AREL1: variants seen among roughly 807,000 people sequenced by gnomAD.
AREL1 encodes the protein apoptosis-resistant E3 ubiquitin protein ligase 1.
A neutral mutation model predicts 99.0 loss-of-function variants in AREL1; 62 were observed. That is an observed-to-expected ratio of 0.63 (90% confidence interval 0.51 to 0.77). The LOEUF (loss-of-function observed/expected upper bound fraction) is 0.77, where lower values mean the gene tolerates loss of function less well. Ranked by LOEUF, AREL1 falls within the 30% of genes least tolerant of loss-of-function variation. The probability of loss-of-function intolerance (pLI) is 0.00; values close to 1 mark genes in which losing one functional copy is unlikely to be tolerated. For missense variants in AREL1, 879 were observed against 1,027.6 expected (o/e 0.86, Z 1.98); for synonymous variants, 380 against 376.5 (o/e 1.01, Z -0.11).
intron 2 of AREL1, among the ~76,000 whole-genome samples, chr14:74,688,987 C>G (rs1003157324): frequency 1.3e-5 from 2 of 151,764 alleles, no homozygotes; most frequent in African/African-American, 4.8e-5. Flanking sequence ...CAGGTGCCCA[C>G]CACCACGCCA....
intron 2 of AREL1, among the ~76,000 whole-genome samples, chr14:74,686,677 G>A (rs964649593): frequency 2.0e-5 from 3 of 152,102 alleles, no homozygotes; most frequent in Admixed American, 6.5e-5. Flanking sequence ...TTCAGGGTGT[G>A]TTTTTACATC....
At position 74,676,297 on chromosome 14, in the gene AREL1, T is replaced by C; in HGVS notation, c.676A>G (p.Thr226Ala). The change falls in exon 7 of 20, where the codon ACT becomes GCT. Residue 226 changes from threonine to alanine, a missense_variant. Physicochemically the swap from Thr to Ala is moderately conservative, Grantham distance 58 (BLOSUM62 0). Coordinates refer to ENST00000356357, the MANE Select transcript of AREL1 (RefSeq NM_001039479.2). ...HELGPQEEES[T>A]GVSFEKSVTS... ...ACTGATTTCTCAAATGAGACACCAG[T>C]ACTCTCTTCTTCTTGAGGGCCGAGC... is the stretch of plus-strand genomic sequence containing the variant. The C allele has an allele frequency of 6.2e-7, 1 of 1,614,162 alleles. No homozygotes were observed. The highest frequency in any genetic ancestry group is 8.5e-7 in the Non-Finnish European group (1 of 1,180,012).
At chr14:74,674,187 C>T (rs2089420421) in intron 8 of AREL1, 76 bp from the exon 9 acceptor site, 1 of 1,192,226 alleles carries the variant, frequency 8.4e-7, no homozygotes, top group Non-Finnish European at 1.2e-6. Context: ...ATTCAAATAT[C>T]ATAGTCCCTA....
rs1283455907 is a variant in AREL1 at position 74,664,819 on chromosome 14, A to C, written c.2193+17T>G. On this transcript the variant is annotated intron_variant, in intron 18 of 19. Coordinates refer to ENST00000356357, the MANE Select transcript of AREL1 (RefSeq NM_001039479.2). ...AACATGGCACAAATCCAACTGAAAG[A>C]AGTTTGGTCCATTTACCTTTTCTCT... The C allele has an allele frequency of 4.3e-6, 7 of 1,609,276 alleles. No individual in the cohort carries two copies. Among genetic ancestry groups the C allele is most frequent in the Non-Finnish European group, 5.9e-6 (7 of 1,176,754 alleles).
intron 11 of AREL1, among the ~76,000 whole-genome samples, chr14:74,672,534 C>T (rs1482581121): frequency 2.6e-5 from 4 of 152,026 alleles, no homozygotes; most frequent in Non-Finnish European, 5.9e-5. Context: ...TCCAGGAGTT[C>T]GAGACCAGCC....
chr14:74,664,384 A>AT (rs530353159), intron 18 of AREL1, among the ~76,000 whole-genome samples: 99 of 125,030 alleles, frequency 7.9e-4, no homozygotes, highest in South Asian at 5.0e-3. Context: ...CCCATGCATC[A>AT]TTTTTTTTTC....
chr14:74,713,062 G>T lies in AREL1; in HGVS notation c.-463C>A. The T allele has an allele frequency of 6.4e-7, 1 of 1,555,344 alleles. No individual in the cohort carries two copies. Among genetic ancestry groups the T allele is most frequent in the Non-Finnish European group, 8.9e-7 (1 of 1,127,298 alleles). ...CCAGAGTTGGTCTCCACCCGGCCTG[G>T]GAACCGGCTCGGGGGATTGCCCTTT... On this transcript the variant is annotated 5_prime_UTR_variant, in exon 1 of 20. Transcript: ENST00000356357.
At chr14:74,696,018 C>T (rs1309328023) in intron 1 of AREL1, among the ~76,000 whole-genome samples, 2 of 152,186 alleles carry the variant, frequency 1.3e-5, no homozygotes, top group African/African-American at 4.8e-5. Flanking sequence ...CAAATCCTAA[C>T]AGCCGCCTGT....
At chr14:74,674,177 AT>A (rs1215394406) in intron 8 of AREL1, 66 bp from the exon 9 acceptor site, 115 of 1,319,368 alleles carry the variant, frequency 8.7e-5, no homozygotes, top group Non-Finnish European at 1.2e-4. Flanking sequence ...GGGTATTCTA[AT>A]TCAAATATCA....
At position 74,685,699 on chromosome 14, in the gene AREL1, C is replaced by A. The variant is rs2089732959; in HGVS notation, c.-45-39G>T. The A allele has an allele frequency of 2.6e-6, 4 of 1,567,224 alleles. No homozygotes were observed. In the South Asian group the frequency reaches 4.5e-5, roughly 18 times the overall value. The stretch of plus-strand genomic sequence containing the variant: ...ACTTGTTTAGTTTTTGTCTCCAACT[C>A]TGCCTCATAGCTATCTCAGAGTAAG... On this transcript the variant is annotated intron_variant, in intron 2 of 19. Coordinates refer to ENST00000356357, the MANE Select transcript of AREL1 (RefSeq NM_001039479.2).
chr14:74,667,326 T>G lies in AREL1; in HGVS notation c.2096A>C (p.Glu699Ala). Residue 699 changes from glutamate to alanine, a missense_variant, in exon 17 of 20, where the codon GAG (glutamate) becomes GCG (alanine). By Grantham distance (107) the Glu-to-Ala change is moderately radical (BLOSUM62 -1). Coordinates refer to ENST00000356357, the MANE Select transcript of AREL1 (RefSeq NM_001039479.2). ...TGAATTGCAATCACTTACCTCAAGC[T>G]CATTCTCATCAAAAATAGCCAAAAG... ...ENLLAIFDENELELLMCGTGD... is the reference protein window; with the variant it reads ...ENLLAIFDENALELLMCGTGD... 6.2e-7 allele frequency: 1 copy of G among 1,614,108 alleles called. No individual in the cohort carries two copies. Among genetic ancestry groups the G allele is most frequent in the Non-Finnish European group, 8.5e-7 (1 of 1,179,996 alleles).
At chr14:74,702,419 C>T (rs747669740) in intron 1 of AREL1, among the ~76,000 whole-genome samples, 1 of 152,214 alleles carries the variant, frequency 6.6e-6, no homozygotes, top group Non-Finnish European at 1.5e-5. Context: ...CCTTCTGAAG[C>T]GATGGCCCAA....
intron 2 of AREL1, among the ~76,000 whole-genome samples, chr14:74,689,226 G>A (rs1489280564): frequency 6.6e-6 from 1 of 152,040 alleles, no homozygotes; most frequent in African/African-American, 2.4e-5. Context: ...CTGTAAGCAT[G>A]TTCCGACCCT....
intron 15 of AREL1, among the ~76,000 whole-genome samples, chr14:74,668,419 T>C (rs1368663591): frequency 1.3e-5 from 2 of 152,118 alleles, no homozygotes; most frequent in Non-Finnish European, 2.9e-5. Context: ...GGATTCTCAA[T>C]GGATCTAAAA....
Position 74,673,064 on chromosome 14 carries a change from T to G in AREL1, c.1300+13A>C, listed in dbSNP as rs1329696787. ...CTCACTACCTTCCCTATAGAATCCC[T>G]GTGTAACCTCACCTATGTTCTTATG... On this transcript the variant is annotated intron_variant, in intron 10 of 19. Transcript: ENST00000356357. 6.2e-7 allele frequency: 1 copy of G among 1,614,106 alleles called. No individual in the cohort carries two copies. The highest frequency in any genetic ancestry group is 8.5e-7 in the Non-Finnish European group (1 of 1,180,008).
At chr14:74,702,303 A>G (rs1408146102) in intron 1 of AREL1, among the ~76,000 whole-genome samples, 1 of 152,218 alleles carries the variant, frequency 6.6e-6, no homozygotes, top group Non-Finnish European at 1.5e-5. Context: ...AGGAGTTTCC[A>G]TACATCCTCT....
chr14:74,681,859 G>A (rs986420439), intron 5 of AREL1, among the ~76,000 whole-genome samples: 1 of 151,922 alleles, frequency 6.6e-6, no homozygotes, highest in African/African-American at 2.4e-5. Flanking sequence ...TTGTGATGAT[G>A]GAAATGTTCT....
intron 1 of AREL1, among the ~76,000 whole-genome samples, chr14:74,693,628 A>T (rs1245933704): frequency 6.6e-6 from 1 of 152,216 alleles, no homozygotes; most frequent in Non-Finnish European, 1.5e-5. Flanking sequence ...TTTACAGATG[A>T]GGAAACTGGG....
intron 4 of AREL1, 24 bp from the exon 5 acceptor site, chr14:74,683,557 C>T (rs375670104): frequency 6.2e-5 from 100 of 1,607,116 alleles, no homozygotes; most frequent in Non-Finnish European, 7.9e-5. Flanking sequence ...AAGAAGGACA[C>T]CTGTTAGCAA....
Sources: gnomAD v4.1 joint callset for allele counts (sites outside exome capture counted in the v4.1 genomes callset) on GRCh38, gnomAD v4.1.1 for gene constraint, MANE v1.5 for transcripts, NCBI Gene and HGNC (gene_info 2026-07-23, HGNC 2026-07-21) for gene names.